KANK1: variants seen among roughly 807,000 people sequenced by gnomAD.
KANK1 encodes KN motif and ankyrin repeat domains 1, also known as KN motif and ankyrin repeat domain-containing protein 1.
In KANK1, 109 loss-of-function variants were observed where a neutral mutation model predicts 106.2. The ratio of observed to expected loss-of-function variants is 1.03; its 90% confidence interval spans 0.88 to 1.20. The LOEUF is 1.20. KANK1 is among the 50% of genes most tolerant of loss of function. The pLI, the probability that KANK1 is intolerant of heterozygous loss-of-function variation, is 0.00. For synonymous variants in KANK1, 873 were observed against 652.2 expected (o/e 1.34, Z -5.16); for missense variants, 2,399 against 1,710.7 (o/e 1.40, Z -7.10).
intron 3 of KANK1, among the ~76,000 whole-genome samples, chr9:495,061 C>G (rs1406874990): frequency 6.6e-6 from 1 of 152,200 alleles, no homozygotes; most frequent in Non-Finnish European, 1.5e-5. Context: ...TAATAACTTT[C>G]TAGAATTCTG....
At chr9:584,298 A>G (rs911713958) in intron 1 of KANK1, among the ~76,000 whole-genome samples, 20 of 152,226 alleles carry the variant, frequency 1.3e-4, no homozygotes, top group Non-Finnish European at 8.8e-5. Flanking sequence ...ATGCACTTAC[A>G]CATTTGTGTA....
At chr9:559,478 T>C (rs748453779) in intron 1 of KANK1, among the ~76,000 whole-genome samples, 26 of 151,974 alleles carry the variant, frequency 1.7e-4, no homozygotes, top group Non-Finnish European at 3.5e-4. Flanking sequence ...TGAAATTGAG[T>C]TTGAGTGTCC....
At chr9:650,535 C>T (rs1439718071) in intron 1 of KANK1, among the ~76,000 whole-genome samples, 2 of 152,080 alleles carry the variant, frequency 1.3e-5, no homozygotes, top group Non-Finnish European at 2.9e-5. Flanking sequence ...GCTGCTGGAC[C>T]ACAGGCCATG....
chr9:543,330 C>T (rs542913660), intron 1 of KANK1, among the ~76,000 whole-genome samples: 224 of 151,826 alleles, frequency 1.5e-3, no homozygotes, highest in African/African-American at 4.9e-3. Context: ...CCAAGGTGGG[C>T]GGATCACTTG....
At chr9:479,993 C>T (rs2058175764) in intron 3 of KANK1, among the ~76,000 whole-genome samples, 1 of 152,132 alleles carries the variant, frequency 6.6e-6, no homozygotes, top group Non-Finnish European at 1.5e-5. Flanking sequence ...TTTTTCCCTT[C>T]TCAGCAGGTT....
At chr9:725,801 A>G (rs1018859224) in intron 3 of KANK1, among the ~76,000 whole-genome samples, 2 of 152,308 alleles carry the variant, frequency 1.3e-5, no homozygotes, top group Admixed American at 6.5e-5. Flanking sequence ...CTTTTTCTTC[A>G]TATTGCCTCA....
At chr9:486,167 G>T (rs1048359794) in intron 3 of KANK1, among the ~76,000 whole-genome samples, 2 of 152,146 alleles carry the variant, frequency 1.3e-5, no homozygotes, top group Non-Finnish European at 2.9e-5. Flanking sequence ...CTCCAGATTT[G>T]CTGTAATCAA....
At chr9:696,271 G>A (rs927986641) in intron 2 of KANK1, among the ~76,000 whole-genome samples, 2 of 150,140 alleles carry the variant, frequency 1.3e-5, no homozygotes, top group African/African-American at 4.9e-5. Flanking sequence ...GTGACAGAGC[G>A]AGACTCCGTC....
intron 1 of KANK1, among the ~76,000 whole-genome samples, chr9:654,897 C>T (rs1292473017): frequency 6.6e-6 from 1 of 151,842 alleles, no homozygotes; most frequent in Non-Finnish European, 1.5e-5. Flanking sequence ...AGTTCAAGTT[C>T]CCTAGTGATG....
chr9:718,373 C>T (rs758865237), intron 3 of KANK1, among the ~76,000 whole-genome samples: 1 of 138,508 alleles, frequency 7.2e-6, no homozygotes, highest in Non-Finnish European at 1.5e-5. Flanking sequence ...AGTGCAGTGG[C>T]ATGATCACAG....
At chr9:579,980 G>T (rs923118090) in intron 1 of KANK1, among the ~76,000 whole-genome samples, 1 of 152,162 alleles carries the variant, frequency 6.6e-6, no homozygotes, top group Non-Finnish European at 1.5e-5. Context: ...TCCGAAATTG[G>T]TGGGTTCTTG....
At chr9:634,147 C>T (rs1463231369) in intron 1 of KANK1, among the ~76,000 whole-genome samples, 1 of 152,212 alleles carries the variant, frequency 6.6e-6, no homozygotes, top group Non-Finnish European at 1.5e-5. Context: ...AATGCTAGGC[C>T]AGCAATGTGG....
At chr9:649,560 A>G (rs1340731163) in intron 1 of KANK1, among the ~76,000 whole-genome samples, 3 of 152,204 alleles carry the variant, frequency 2.0e-5, no homozygotes, top group Non-Finnish European at 4.4e-5. Context: ...TTATAGCTAC[A>G]CACTATAGCA....
chr9:617,288 A>G (rs180734454), intron 1 of KANK1, among the ~76,000 whole-genome samples: 113 of 152,244 alleles, frequency 7.4e-4, no homozygotes, highest in East Asian at 2.1e-3. Context: ...CTTGTTTAAC[A>G]TTTATTTTTC....
At chr9:669,275 T>TG (rs1239159788) in intron 1 of KANK1, among the ~76,000 whole-genome samples, 1 of 152,172 alleles carries the variant, frequency 6.6e-6, no homozygotes, top group Non-Finnish European at 1.5e-5. Flanking sequence ...TTGAATATTC[T>TG]GGGGGTTTCT....
intron 3 of KANK1, among the ~76,000 whole-genome samples, chr9:729,765 T>C (rs1831702118): frequency 6.6e-6 from 1 of 150,782 alleles, no homozygotes; most frequent in Non-Finnish European, 1.5e-5. Flanking sequence ...GAAGTAGTAA[T>C]GGAAGAGGGG....
intron 2 of KANK1, among the ~76,000 whole-genome samples, chr9:709,126 T>C (rs1003089074): frequency 1.3e-5 from 2 of 152,194 alleles, no homozygotes; most frequent in African/African-American, 4.8e-5. Flanking sequence ...GTTCCTGGGA[T>C]AGGGAATGTT....
rs1326304483 is a variant in KANK1 at position 712,847 on chromosome 9, C to T, written c.2081C>T (p.Ser694Phe). The T allele has an allele frequency of 6.2e-7, 1 of 1,613,772 alleles. No homozygotes were observed. The highest frequency in any genetic ancestry group is 8.5e-7 in the Non-Finnish European group (1 of 1,179,954). The change falls in exon 3 of 12, where the codon TCC becomes TTC. Residue 694 changes from serine to phenylalanine, a missense_variant. Physicochemically the swap from Ser to Phe is radical, Grantham distance 155. Coordinates refer to ENST00000382297, the MANE Select transcript of KANK1 (RefSeq NM_015158.5). The part of the protein sequence containing the change: ...TNTETATLIE[S>F]CTNTCLSTLD... ...ACCGAGACGGCCACCCTCATAGAGT[C>T]CTGCACCAACACTTGTCTAAGCACT...
intron 7 of KANK1, among the ~76,000 whole-genome samples, chr9:737,083 C>A (rs776326434): frequency 6.6e-6 from 1 of 152,046 alleles, no homozygotes; most frequent in Admixed American, 6.6e-5. Flanking sequence ...AAGTAGTGGA[C>A]GAGTAAACAC....
Sources: gnomAD v4.1 joint callset for allele counts (sites outside exome capture counted in the v4.1 genomes callset) on GRCh38, gnomAD v4.1.1 for gene constraint, MANE v1.5 for transcripts, NCBI Gene and HGNC (gene_info 2026-07-23, HGNC 2026-07-21) for gene names.